INPP5A: variants seen among roughly 807,000 people sequenced by gnomAD.
The protein encoded by INPP5A is 43 kDa inositol polyphosphate 5-phophatase.
In INPP5A, 14 loss-of-function variants were observed where a neutral mutation model predicts 65.2. The ratio of observed to expected loss-of-function variants is 0.21; its 90% confidence interval spans 0.14 to 0.34. The LOEUF (loss-of-function observed/expected upper bound fraction) is 0.34. Among genes scored for constraint, INPP5A ranks in the 10% least tolerant of loss-of-function variants. The pLI, the probability that INPP5A is intolerant of heterozygous loss-of-function variation, is 1.00. For missense variants in INPP5A, 431 were observed against 545.6 expected, an observed-to-expected ratio of 0.79 and a Z score of 2.09; for synonymous variants, 207 against 208.3, an observed-to-expected ratio of 0.99 and a Z score of 0.05.
At position 132,697,055 on chromosome 10, in the gene INPP5A, C is replaced by T. The variant is rs987988446; in HGVS notation, c.371-761C>T. On this transcript the variant is annotated intron_variant, in intron 5 of 15. Coordinates refer to ENST00000368594, the MANE Select transcript of INPP5A (RefSeq NM_005539.5). The surrounding 1 kb of genome is among the most constrained non-coding windows in gnomAD (Gnocchi z 5.6). ...GCTCCAAAGCGGTCTCCAGGAACCT[C>T]GTTGACACCCAGGAGTGTCACCTCA... Among the ~76,000 whole-genome samples, 5 of 152,212 alleles carry T rather than the reference C, an allele frequency of 3.3e-5. No individual in the cohort carries two copies. Among genetic ancestry groups the T allele is most frequent in the Non-Finnish European group, 5.9e-5 (4 of 68,044 alleles).
At chr10:132,578,692 C>T (rs1450101990) in intron 1 of INPP5A, among the ~76,000 whole-genome samples, 2 of 123,064 alleles carry the variant, frequency 1.6e-5, no homozygotes, top group Non-Finnish European at 3.6e-5. Flanking sequence ...GGGCTGGGTC[C>T]GAGCTCCAGG....
intron 11 of INPP5A, among the ~76,000 whole-genome samples, chr10:132,757,937 A>G (rs1846657988): frequency 6.7e-6 from 1 of 148,468 alleles, no homozygotes. Flanking sequence ...GGCTGACCCC[A>G]CAGCCCAGCA....
chr10:132,638,932 CAT>C (rs1317145307), intron 2 of INPP5A, among the ~76,000 whole-genome samples: 2 of 152,090 alleles, frequency 1.3e-5, no homozygotes, highest in Admixed American at 6.6e-5. Flanking sequence ...ATATAAGTTA[CAT>C]ATATATATGA....
chr10:132,687,217 T>TA (rs1173335483), intron 4 of INPP5A, among the ~76,000 whole-genome samples: 1 of 152,238 alleles, frequency 6.6e-6, no homozygotes, highest in African/African-American at 2.4e-5. Context: ...GTGCTGGTAT[T>TA]ACAGGCGTGA....
chr10:132,596,948 T>C lies in INPP5A; in HGVS notation c.76-10967T>C, dbSNP rs539089909. ...GCGCATGTGCACGCATGTGTGCGTG[T>C]GTGCACACATGTGTGCGTGTGTGCA... is the stretch of plus-strand genomic sequence containing the variant. On this transcript the variant is annotated intron_variant, in intron 1 of 15. Coordinates refer to ENST00000368594, the MANE Select transcript of INPP5A (RefSeq NM_005539.5). Among the ~76,000 whole-genome samples, 126 of 148,210 alleles carry C rather than the reference T, an allele frequency of 8.5e-4. 1 individual carries two copies. Among genetic ancestry groups the C allele is most frequent in the Middle Eastern group, 3.7e-3 (1 of 270 alleles).
rs183754778 is a variant in INPP5A, at chr10:132,585,824, C to T, written c.76-22091C>T. 4.0e-3 allele frequency among the ~76,000 whole-genome samples: 612 copies of T among 152,326 alleles called. 2 individuals carry two copies. Among genetic ancestry groups the T allele is most frequent in the Non-Finnish European group, 6.2e-3 (421 of 68,028 alleles). On this transcript the variant is annotated intron_variant, in intron 1 of 15. Coordinates refer to ENST00000368594, the MANE Select transcript of INPP5A (RefSeq NM_005539.5). ...GCTCCCCACAGATGTGTGTCGTCAG[C>T]GGCTGCCCTGCAGGTGGAGTGTCCT...
At position 132,675,394 on chromosome 10, in the gene INPP5A, A is replaced by C. The variant is rs1295636490; in HGVS notation, c.307-14998A>C. Among the ~76,000 whole-genome samples the C allele has an allele frequency of 6.6e-6, 1 of 152,252 alleles. No homozygotes were observed. The highest frequency in any genetic ancestry group is 1.5e-5 in the Non-Finnish European group (1 of 68,048). On this transcript the variant is annotated intron_variant, in intron 4 of 15. Transcript: ENST00000368594. This position sits in a 1 kb window ranked among gnomAD's most constrained non-coding sequence, Gnocchi z 4.2. ...AACGGATGTTCTTCAAGCGGAGAGA[A>C]AATGATCTCATATGAAGTCAGAGAG...
intron 11 of INPP5A, among the ~76,000 whole-genome samples, chr10:132,756,305 G>A (rs897032668): frequency 6.6e-6 from 1 of 152,132 alleles, no homozygotes; most frequent in Non-Finnish European, 1.5e-5. Flanking sequence ...AGTGTGTGTG[G>A]TGTATGTGTG....
intron 1 of INPP5A, among the ~76,000 whole-genome samples, chr10:132,607,642 G>T (rs939006329): frequency 2.0e-5 from 3 of 152,262 alleles, no homozygotes; most frequent in Non-Finnish European, 4.4e-5. Flanking sequence ...CTCGCCACCC[G>T]TGTGGGGGCT....
intron 8 of INPP5A, among the ~76,000 whole-genome samples, chr10:132,722,677 C>T (rs905623747): frequency 2.0e-5 from 3 of 152,216 alleles, no homozygotes; most frequent in South Asian, 4.1e-4. Context: ...CCAGCCGTCG[C>T]GGTGGAGCAG....
chr10:132,696,031 A>G (rs896427074), intron 5 of INPP5A, among the ~76,000 whole-genome samples: 1 of 152,178 alleles, frequency 6.6e-6, no homozygotes, highest in Non-Finnish European at 1.5e-5. Context: ...CGGAGCCCTC[A>G]TGAAAGAGGC....
chr10:132,734,537 AGGT>A (rs1846143024), intron 9 of INPP5A, among the ~76,000 whole-genome samples: 1 of 152,064 alleles, frequency 6.6e-6, no homozygotes, highest in African/African-American at 2.4e-5. Context: ...TGGATGGCTG[AGGT>A]TCTGGGTGGG....
In INPP5A at chr10:132,780,920, G is replaced by A. The variant is rs763157328; in HGVS notation, c.1158+3G>A. The A allele has an allele frequency of 3.3e-6, 5 of 1,509,132 alleles. No homozygotes were observed. The highest frequency in any genetic ancestry group is 1.8e-5 in the Admixed American group (1 of 56,606). The allele number at this position is 1,509,132 out of a possible 1,614,324, so 93.5% of individuals were successfully genotyped here. A position where few individuals can be genotyped will look rare whatever the true frequency, so the allele number is the denominator to read the frequency against. ...ACGTCTGCATGGGAGACCACAAGGT[G>A]ACATAGACTGAGGTCCAGGGGCCAG... is the stretch of plus-strand genomic sequence containing the variant. On this transcript the variant is annotated splice_donor_region_variant and intron_variant, in intron 14 of 15. Coordinates refer to ENST00000368594, the MANE Select transcript of INPP5A (RefSeq NM_005539.5).
rs1000976420 is a variant in INPP5A at position 132,780,749 on chromosome 10, C to G, written c.1090-100C>G. ...CTGGCAGGGGCCGACATCCCCATCTCTCTGCCCCCACAAAACCCTGATGTT... is the reference window on the plus strand; with the variant it reads ...CTGGCAGGGGCCGACATCCCCATCTGTCTGCCCCCACAAAACCCTGATGTT... On this transcript the variant is annotated intron_variant, in intron 13 of 15. Transcript: ENST00000368594. The G allele has an allele frequency of 4.2e-5, 40 of 961,152 alleles. No homozygotes were observed. The African/African-American group carries it at 5.0e-4, about 12-fold the overall frequency. The allele number at this position is 961,152 out of a possible 1,614,324, so 59.5% of individuals were successfully genotyped here. A position where few individuals can be genotyped will look rare whatever the true frequency, so the allele number is the denominator to read the frequency against.
chr10:132,606,839 G>A (rs956092599), intron 1 of INPP5A, among the ~76,000 whole-genome samples: 1 of 152,190 alleles, frequency 6.6e-6, no homozygotes, highest in African/African-American at 2.4e-5. Context: ...TTTTAATCGC[G>A]GCAAAAACCC....
intron 6 of INPP5A, among the ~76,000 whole-genome samples, chr10:132,700,752 A>G (rs905585149): frequency 2.0e-5 from 3 of 152,218 alleles, no homozygotes; most frequent in African/African-American, 4.8e-5. Flanking sequence ...TATTACCATC[A>G]CTTAAGGGTA....
chr10:132,566,012 C>T (rs1399961909), intron 1 of INPP5A, among the ~76,000 whole-genome samples: 3 of 151,936 alleles, frequency 2.0e-5, no homozygotes, highest in South Asian at 2.1e-4. Flanking sequence ...TGGTCGGTCT[C>T]GGGGAGGCGT....
intron 1 of INPP5A, among the ~76,000 whole-genome samples, chr10:132,564,829 G>C (rs939290898): frequency 1.1e-4 from 16 of 152,082 alleles, no homozygotes; most frequent in Admixed American, 3.9e-4. Context: ...GGCGTCACCT[G>C]GGGCTCCTTA....
intron 1 of INPP5A, among the ~76,000 whole-genome samples, chr10:132,542,177 C>T (rs1034361740): frequency 9.9e-5 from 15 of 152,266 alleles, no homozygotes; most frequent in African/African-American, 3.4e-4. Context: ...GTGGCCCTTC[C>T]TGCTGCTTGT....
Sources: allele counts gnomAD v4.1 joint callset (sites outside exome capture counted in the v4.1 genomes callset), GRCh38; gene constraint gnomAD v4.1.1; non-coding constraint Gnocchi (gnomAD v3.1); transcripts MANE v1.5; gene names NCBI Gene and HGNC (gene_info 2026-07-23, HGNC 2026-07-21).